The following PHF21B variants were observed in gnomAD, a reference collection of about 807,000 sequenced individuals.
The protein encoded by PHF21B is PHD finger protein 4.
PHF21B carries 22 observed loss-of-function variants against 62.2 expected under a neutral mutation model. The ratio of observed to expected loss-of-function variants is 0.35; its 90% CI spans 0.25 to 0.51. The LOEUF (loss-of-function observed/expected upper bound fraction) is 0.51, where lower values mean the gene tolerates loss of function less well. Among genes scored for constraint, PHF21B ranks in the 20% least tolerant of loss-of-function variants. The pLI is 0.97. For synonymous variants in PHF21B, 341 were observed against 314.7 expected (o/e 1.08, Z -0.88); for missense variants, 701 against 707.9 (o/e 0.99, Z 0.11).
intron 2 of PHF21B, among the ~76,000 whole-genome samples, chr22:44,939,104 C>T (rs2071905625): frequency 6.6e-6 from 1 of 152,218 alleles, no homozygotes; most frequent in South Asian, 2.1e-4. Flanking sequence ...TGCCTTCTGC[C>T]AAGACCCCTT....
intron 3 of PHF21B, among the ~76,000 whole-genome samples, chr22:44,919,215 C>G (rs138622396): frequency 3.7e-5 from 3 of 81,764 alleles, no homozygotes; most frequent in Non-Finnish European, 7.6e-5. Context: ...TGGCATGGCC[C>G]GATCACCCTG....
intron 9 of PHF21B, 60 bp from the exon 10 acceptor site, chr22:44,888,181 C>A: frequency 1.4e-6 from 2 of 1,417,816 alleles, no homozygotes; most frequent in South Asian, 3.0e-5. Context: ...GGGGGCCGGT[C>A]AGCCAGGGCC....
At chr22:44,981,258 G>A (rs182360498) in intron 2 of PHF21B, among the ~76,000 whole-genome samples, 62 of 152,278 alleles carry the variant, frequency 4.1e-4, no homozygotes, top group Admixed American at 1.6e-3. Flanking sequence ...CTAACTGAGC[G>A]GCATGATCTG....
At chr22:44,974,537 C>G (rs2072701483) in intron 2 of PHF21B, among the ~76,000 whole-genome samples, 2 of 152,180 alleles carry the variant, frequency 1.3e-5, no homozygotes, top group African/African-American at 4.8e-5. Context: ...CCACCCTGCA[C>G]AAAGTCCTAC....
At chr22:44,929,649 T>C (rs773342553) in intron 2 of PHF21B, among the ~76,000 whole-genome samples, 1 of 152,240 alleles carries the variant, frequency 6.6e-6, no homozygotes, top group African/African-American at 2.4e-5. Flanking sequence ...CAAGAACTGC[T>C]GTCACTGTTA....
Position 44,885,429 on chromosome 22 carries a change from C to A in PHF21B, c.1374G>T (p.Val458=). The change falls in exon 12 of 13, where the codon GTG becomes GTT. Residue 458 remains valine (V), a synonymous_variant. Coordinates refer to ENST00000313237, the MANE Select transcript of PHF21B (RefSeq NM_138415.5). ...EERDRRLASA[V]QKCLELKTSL... ...TCCCCCAGGCCCCGGGGCACACCTG[C>A]ACTGCTGACGCCAGCCGCCGGTCCC... 6.3e-7 allele frequency: 1 copy of A among 1,576,210 alleles called. No homozygotes were observed.
intron 6 of PHF21B, among the ~76,000 whole-genome samples, chr22:44,894,565 T>C (rs1448202373): frequency 6.6e-6 from 1 of 152,188 alleles, no homozygotes; most frequent in African/African-American, 2.4e-5. Flanking sequence ...GGGATTCATC[T>C]CGCTCAAGCT....
chr22:44,905,580 A>G (rs2071234150), intron 5 of PHF21B, among the ~76,000 whole-genome samples: 1 of 152,170 alleles, frequency 6.6e-6, no homozygotes, highest in South Asian at 2.1e-4. Flanking sequence ...GATCTCGCAT[A>G]TGTTAGAATT....
intron 2 of PHF21B, among the ~76,000 whole-genome samples, chr22:44,945,719 G>C (rs1037388884): frequency 2.8e-4 from 6 of 21,534 alleles, no homozygotes; most frequent in South Asian, 2.7e-3. Context: ...GCAGAATTGG[G>C]GGGGGGGTGG....
chr22:44,913,767 A>C, intron 5 of PHF21B, 55 bp downstream of exon 5: 1 of 1,557,590 alleles, frequency 6.4e-7, no homozygotes, highest in Non-Finnish European at 8.7e-7. Flanking sequence ...CAGCGGCCTC[A>C]GATGGCACCT....
intron 2 of PHF21B, among the ~76,000 whole-genome samples, chr22:44,953,549 T>G (rs2072235357): frequency 6.6e-6 from 1 of 152,136 alleles, no homozygotes; most frequent in African/African-American, 2.4e-5. Context: ...CTTTCAACGC[T>G]GTGAACTCCT....
intron 11 of PHF21B, among the ~76,000 whole-genome samples, 167 bp from the exon 12 acceptor site, chr22:44,885,696 C>T (rs2070844978): frequency 6.6e-6 from 1 of 152,260 alleles, no homozygotes; most frequent in African/African-American, 2.4e-5. Flanking sequence ...CTCCCCTGGC[C>T]ACACCTGCCC....
intron 2 of PHF21B, among the ~76,000 whole-genome samples, chr22:44,921,220 G>A (rs2071529138): frequency 6.6e-6 from 1 of 152,210 alleles, no homozygotes; most frequent in Non-Finnish European, 1.5e-5. Flanking sequence ...TTCAGGGTAA[G>A]GAGAAGGGAG....
chr22:44,958,597 G>GGTTTT (rs1569254952), intron 2 of PHF21B, among the ~76,000 whole-genome samples: 1 of 58,512 alleles, frequency 1.7e-5, no homozygotes, highest in African/African-American at 6.3e-5. Flanking sequence ...GCCTTCCTTT[G>GGTTTT]ATTTTTTTTT....
At position 44,896,046 on chromosome 22, in the gene PHF21B, G is replaced by A. The variant is rs1039997375; in HGVS notation, c.869C>T (p.Thr290Met). ...AFMVALGLVT[T>M]EHLEEIQSKR... ...TCCTTCCTTACCTTCCAAATGTTCCGTGGTAACCAGGCCTAGCGCTACCAT... is the reference window on the plus strand; with the variant it reads ...TCCTTCCTTACCTTCCAAATGTTCCATGGTAACCAGGCCTAGCGCTACCAT... Residue 290 changes from threonine (T) to methionine (M), a missense_variant, in exon 6 of 13, where the codon ACG becomes ATG. By Grantham distance (81) the Thr-to-Met change is moderately conservative. Transcript: ENST00000313237. 1.5e-5 allele frequency: 24 copies of A among 1,614,018 alleles called. No individual in the cohort carries two copies. The highest frequency in any genetic ancestry group is 4.5e-5 in the East Asian group (2 of 44,892).
rs2070896106 is a variant in PHF21B at position 44,888,262 on chromosome 22, G to C, written c.1039-141C>G. The C allele has an allele frequency of 3.8e-6, 4 of 1,057,646 alleles. No homozygotes were observed. The Admixed American group carries it at 1.3e-4, about 35-fold the overall frequency. 65.5% of individuals were successfully genotyped at this position (1,057,646 alleles called of 1,614,324 possible). A position where few individuals can be genotyped will look rare whatever the true frequency, so the allele number is the denominator to read the frequency against. On this transcript the variant is annotated intron_variant, in intron 9 of 12. Transcript: ENST00000313237. ...CAACGTTTCCCAGCAGCTCTACGGA[G>C]AGAGAGGGATAAACCCTGGAGGGCG...
At chr22:44,930,023 T>C (rs1165514290) in intron 2 of PHF21B, among the ~76,000 whole-genome samples, 1 of 152,170 alleles carries the variant, frequency 6.6e-6, no homozygotes, top group East Asian at 1.9e-4. Flanking sequence ...TCTCATACAA[T>C]GGAAAACTTC....
chr22:44,937,365 C>T (rs767852495), intron 2 of PHF21B, among the ~76,000 whole-genome samples: 1 of 152,190 alleles, frequency 6.6e-6, no homozygotes, highest in Non-Finnish European at 1.5e-5. Flanking sequence ...CAGGCGGCCA[C>T]CAGGTGTGAA....
chr22:44,959,017 G>A (rs1208450900), intron 2 of PHF21B, among the ~76,000 whole-genome samples: 4 of 151,946 alleles, frequency 2.6e-5, no homozygotes, highest in Admixed American at 6.6e-5. Flanking sequence ...CCGCTGGAGC[G>A]CCTGTTCTGA....
Sources: gnomAD v4.1 joint callset for allele counts (sites outside exome capture counted in the v4.1 genomes callset) on GRCh38, gnomAD v4.1.1 for gene constraint, MANE v1.5 for transcripts, NCBI Gene and HGNC (gene_info 2026-07-23, HGNC 2026-07-21) for gene names.